TADA3: variants seen among roughly 807,000 people sequenced by gnomAD.
TADA3 encodes transcriptional adaptor 3.
Under a neutral mutation model 43.2 loss-of-function variants are expected in TADA3, and 25 were observed. The observed-to-expected ratio is 0.58, with a 90% CI of 0.42 to 0.81. The LOEUF (loss-of-function observed/expected upper bound fraction) is 0.81. TADA3 is among the 30% of genes least tolerant of loss of function. TADA3 has a pLI of 0.00. For synonymous variants in TADA3, 235 were observed against 225.5 expected (o/e 1.04, Z -0.38); for missense variants, 441 against 567.8 (o/e 0.78, Z 2.27).
At chr3:9,785,704 G>A (rs1465788449) in intron 6 of TADA3, among the ~76,000 whole-genome samples, 5 of 152,308 alleles carry the variant, frequency 3.3e-5, no homozygotes, top group African/African-American at 7.2e-5. Context: ...CGTCTGCAAC[G>A]CACCAGGCAG....
At position 9,787,194 on chromosome 3, in the gene TADA3, C is replaced by CA; in HGVS notation, c.706+4_706+5insT. 1 of 1,614,196 alleles carries CA rather than the reference C, an allele frequency of 6.2e-7. No homozygotes were observed. The highest frequency in any genetic ancestry group is 8.5e-7 in the Non-Finnish European group (1 of 1,180,042). ...CTGGGGTTGGCAGGGAGGTGAGAGG[C>CA]CTACCTTTAGTGTCCAGTTCGGTCA... On this transcript the variant is annotated splice_donor_region_variant and intron_variant, in intron 5 of 8. Transcript: ENST00000301964.
At position 9,787,198 on chromosome 3, in the gene TADA3, C is replaced by A. The variant is rs1387688018; in HGVS notation, c.706+1G>T. 2 of 1,614,196 alleles carry A rather than the reference C, an allele frequency of 1.2e-6. No individual in the cohort carries two copies. Among genetic ancestry groups the A allele is most frequent in the Non-Finnish European group, 1.7e-6 (2 of 1,180,044 alleles). On this transcript the variant is annotated splice_donor_variant, in intron 5 of 8. Coordinates refer to ENST00000301964, the MANE Select transcript of TADA3 (RefSeq NM_006354.5). LOFTEE classifies it high-confidence loss of function. ...GGTTGGCAGGGAGGTGAGAGGCCTACCTTTAGTGTCCAGTTCGGTCAGTGG... is the reference window on the plus strand; with the variant it reads ...GGTTGGCAGGGAGGTGAGAGGCCTAACTTTAGTGTCCAGTTCGGTCAGTGG...
intron 1 of TADA3, among the ~76,000 whole-genome samples, 170 bp downstream of exon 1, chr3:9,792,046 C>T (rs761521355): frequency 6.6e-6 from 1 of 152,228 alleles, no homozygotes; most frequent in African/African-American, 2.4e-5. Context: ...CCAGACAGAC[C>T]TGGGTTCAAG....
chr3:9,784,316 C>A, intron 7 of TADA3, 103 bp from the exon 8 acceptor site: 1 of 1,411,866 alleles, frequency 7.1e-7, no homozygotes, highest in East Asian at 2.5e-5. Context: ...CCTGCCTTTC[C>A]CTTTGGGCAC....
Position 9,784,054 on chromosome 3 carries a change from G to C in TADA3, c.1080C>G (p.Asn360Lys). 6.2e-7 allele frequency: 1 copy of C among 1,614,116 alleles called. No individual in the cohort carries two copies. The highest frequency in any genetic ancestry group is 1.1e-5 in the South Asian group (1 of 91,074). The change falls in exon 8 of 9, where the codon AAC becomes AAG. Residue 360 changes from asparagine to lysine, a missense_variant. Asn to Lys is a moderately conservative substitution (Grantham distance 94). Transcript: ENST00000301964. ...QAELKALSAHNRTKKHDLLRL... is the reference protein window; with the variant it reads ...QAELKALSAHKRTKKHDLLRL... The stretch of plus-strand genomic sequence containing the variant: ...TCAGCAGGTCGTGCTTCTTGGTGCG[G>C]TTGTGGGCACTAAGTGCCTTCAGCT...
intron 6 of TADA3, among the ~76,000 whole-genome samples, chr3:9,786,598 G>A (rs1028171350): frequency 2.6e-5 from 4 of 152,144 alleles, no homozygotes; most frequent in Admixed American, 1.3e-4. Context: ...GTAACACAGC[G>A]TTAACCACTG....
chr3:9,791,166 A>G, intron 2 of TADA3, 94 bp downstream of exon 2: 1 of 1,298,900 alleles, frequency 7.7e-7, no homozygotes, highest in Non-Finnish European at 1.1e-6. Context: ...AAACCCCTGT[A>G]CCCCAAGTCT....
intron 5 of TADA3, 41 bp downstream of exon 5, chr3:9,787,158 C>T (rs2125623835): frequency 1.9e-6 from 3 of 1,614,170 alleles, no homozygotes; most frequent in Non-Finnish European, 2.5e-6. Context: ...TTCTGGAATT[C>T]AAGTCCTGAC....
chr3:9,791,509 C>T lies in TADA3; in HGVS notation c.-27-16G>A, dbSNP rs1397246615. ...TCCTGTGGAGCTGGAGAGGACAGGG[C>T]CATTGATGGGAGACAAAGTGGTCTG... On this transcript the variant is annotated splice_polypyrimidine_tract_variant and intron_variant, in intron 1 of 8. Transcript: ENST00000301964. 1 of 1,486,550 alleles carries T rather than the reference C, an allele frequency of 6.7e-7. No individual in the cohort carries two copies. The highest frequency in any genetic ancestry group is 9.2e-7 in the Non-Finnish European group (1 of 1,088,874). 92.1% of individuals were successfully genotyped at this position (1,486,550 alleles called of 1,614,324 possible).
At chr3:9,782,445 C>T (rs1165349252) in intron 8 of TADA3, among the ~76,000 whole-genome samples, 4 of 152,170 alleles carry the variant, frequency 2.6e-5, no homozygotes, top group African/African-American at 9.7e-5. Context: ...ACATAAAGCC[C>T]CTGACACACA....
intron 4 of TADA3, among the ~76,000 whole-genome samples, chr3:9,789,262 G>A (rs954624782): frequency 6.6e-6 from 1 of 152,236 alleles, no homozygotes; most frequent in Admixed American, 6.5e-5. Context: ...TGGGGATAAA[G>A]GAACATGGGC....
chr3:9,789,884 G>T lies in TADA3; in HGVS notation c.287C>A (p.Pro96His), dbSNP rs201090588. ...LGRDHELGAPPKHGKPKKQKL... is the reference protein window; with the variant it reads ...LGRDHELGAPHKHGKPKKQKL... Reference sequence around the variant, plus strand: ...CTGCTTCTTGGGCTTCCCATGTTTGGGGGGAGCTCCAAGTTCATGGTCTCG... The same window carrying T: ...CTGCTTCTTGGGCTTCCCATGTTTGTGGGGAGCTCCAAGTTCATGGTCTCG... Residue 96 changes from proline (P) to histidine (H), a missense_variant, in exon 3 of 9, where the codon CCC becomes CAC. Transcript: ENST00000301964. 1 of 1,614,218 alleles carries T rather than the reference G, an allele frequency of 6.2e-7. No homozygotes were observed. Among genetic ancestry groups the T allele is most frequent in the African/African-American group, 1.3e-5 (1 of 75,050 alleles).
At position 9,780,139 on chromosome 3, in the gene TADA3, C is replaced by T. The variant is rs1023906575; in HGVS notation, c.*218G>A. ...TCCCCTCCAACCCCATCTCGGGGACCAAGCAGAGACTAGGCCTCAGGCTAG... is the reference window on the plus strand; with the variant it reads ...TCCCCTCCAACCCCATCTCGGGGACTAAGCAGAGACTAGGCCTCAGGCTAG... On this transcript the variant is annotated 3_prime_UTR_variant, in exon 9 of 9. Coordinates refer to ENST00000301964, the MANE Select transcript of TADA3 (RefSeq NM_006354.5). 2 of 457,044 alleles carry T rather than the reference C, an allele frequency of 4.4e-6. No individual in the cohort carries two copies. Among genetic ancestry groups the T allele is most frequent in the Non-Finnish European group, 7.7e-6 (2 of 259,244 alleles). 28.3% of individuals were successfully genotyped at this position (457,044 alleles called of 1,614,324 possible). A position where few individuals can be genotyped will look rare whatever the true frequency, so the allele number is the denominator to read the frequency against.
At chr3:9,789,449 C>T in intron 4 of TADA3, 60 bp downstream of exon 4, 1 of 1,497,024 alleles carries the variant, frequency 6.7e-7, no homozygotes. Context: ...AGCTTTACTT[C>T]TCAGGCACCT....
chr3:9,780,208 A>C lies in TADA3; in HGVS notation c.*149T>G. 1 of 783,324 alleles carries C rather than the reference A, an allele frequency of 1.3e-6. No individual in the cohort carries two copies. Among genetic ancestry groups the C allele is most frequent in the Non-Finnish European group, 2.0e-6 (1 of 504,052 alleles). The allele number at this position is 783,324 out of a possible 1,614,324, so 48.5% of individuals were successfully genotyped here. On this transcript the variant is annotated 3_prime_UTR_variant, in exon 9 of 9. Transcript: ENST00000301964. Reference sequence around the variant, plus strand: ...GTCCTGGTTGTACAGAGCTAGGCCAAAAGACCTCAGGGGAAGGGCCACGGC... The same window carrying C: ...GTCCTGGTTGTACAGAGCTAGGCCACAAGACCTCAGGGGAAGGGCCACGGC...
At chr3:9,784,328 CCCTCTGT>C in intron 7 of TADA3, 115 bp from the exon 8 acceptor site, 1 of 1,344,974 alleles carries the variant, frequency 7.4e-7, no homozygotes, top group South Asian at 1.5e-5. Context: ...TTTGGGCACC[CCCTCTGT>C]ATCTATCCAG....
rs894721125 is a variant in TADA3, at chr3:9,792,352, C to A, written c.-164G>T. 8.2e-6 allele frequency: 3 copies of A among 366,100 alleles called. No homozygotes were observed. Among genetic ancestry groups the A allele is most frequent in the Non-Finnish European group, 1.2e-5 (3 of 258,886 alleles). The allele number at this position is 366,100 out of a possible 1,614,324, so 22.7% of individuals were successfully genotyped here. A position where few individuals can be genotyped will look rare whatever the true frequency, so the allele number is the denominator to read the frequency against. On this transcript the variant is annotated 5_prime_UTR_variant, in exon 1 of 9. Coordinates refer to ENST00000301964, the MANE Select transcript of TADA3 (RefSeq NM_006354.5). ...ATGTCCCGCCTTCAGAGTCCTCGTT[C>A]TCTAGGGACACCCTAGTGCGACCCC... is the stretch of plus-strand genomic sequence containing the variant.
At chr3:9,783,878 A>G (rs1022380401) in intron 8 of TADA3, 150 bp downstream of exon 8, 1 of 1,351,154 alleles carries the variant, frequency 7.4e-7, no homozygotes, top group African/African-American at 1.5e-5. Context: ...TACCCGGTGG[A>G]CTGGCCACTG....
upstream of TADA3, chr3:9,792,478 A>G: frequency 8.5e-7 from 1 of 1,175,640 alleles, no homozygotes; most frequent in Non-Finnish European, 1.0e-6. Flanking sequence ...GGAACTGGCT[A>G]TGGGCGGGCC....
Sources: allele counts gnomAD v4.1 joint callset (sites outside exome capture counted in the v4.1 genomes callset), GRCh38; gene constraint gnomAD v4.1.1; transcripts MANE v1.5; gene names NCBI Gene and HGNC (gene_info 2026-07-23, HGNC 2026-07-21).